The following TMEM40 variants were observed in gnomAD, a reference collection of about 807,000 sequenced individuals.
TMEM40 encodes transmembrane protein 40.
In TMEM40, 34 loss-of-function variants were observed where a neutral mutation model predicts 40.8. The observed-to-expected ratio is 0.83, with a 90% CI of 0.63 to 1.11. TMEM40 has a LOEUF of 1.11. Ranked by LOEUF, TMEM40 falls within the 50% of genes least tolerant of loss-of-function variation. The pLI, the probability that TMEM40 is intolerant of heterozygous loss-of-function variation, is 0.00. For synonymous variants in TMEM40, 106 were observed against 107.0 expected (o/e 0.99, Z 0.06); for missense variants, 296 against 280.2 (o/e 1.06, Z -0.40).
chr3:12,767,427 T>C (rs376980338), intron 1 of TMEM40, among the ~76,000 whole-genome samples: 13 of 152,126 alleles, frequency 8.5e-5, no homozygotes, highest in Admixed American at 2.6e-4. Flanking sequence ...ATAGAAGAGA[T>C]GAGAGGAAGT....
upstream of TMEM40, among the ~76,000 whole-genome samples, chr3:12,760,744 A>ATT (rs568688148): frequency 1.3e-3 from 188 of 144,126 alleles, no homozygotes; most frequent in African/African-American, 1.7e-3. Context: ...GTGCTCACTA[A>ATT]TTTTTTTTTT....
At chr3:12,752,708 G>A (rs1433859929) in intron 1 of TMEM40, among the ~76,000 whole-genome samples, 4 of 151,952 alleles carry the variant, frequency 2.6e-5, no homozygotes, top group Non-Finnish European at 5.9e-5. Context: ...TGAGGCAGGA[G>A]AATCACTTGA....
At chr3:12,754,884 T>C (rs889900362) in intron 1 of TMEM40, among the ~76,000 whole-genome samples, 1 of 152,228 alleles carries the variant, frequency 6.6e-6, no homozygotes, top group Non-Finnish European at 1.5e-5. Context: ...GGTCAGTACC[T>C]TGAGGAAGTC....
chr3:12,742,511 G>C lies in TMEM40; in HGVS notation c.302-4C>G. On this transcript the variant is annotated splice_region_variant and splice_polypyrimidine_tract_variant and intron_variant, in intron 4 of 11. Transcript: ENST00000314124. ...TCAGGCTCCCCATGCCCAGGACCTG[G>C]ATGGAGACAAACCCCTTAGTCAGCA... 1 of 1,613,890 alleles carries C rather than the reference G, an allele frequency of 6.2e-7. No homozygotes were observed. The highest frequency in any genetic ancestry group is 8.5e-7 in the Non-Finnish European group (1 of 1,179,866).
chr3:12,738,888 C>T lies in TMEM40; in HGVS notation c.356-300G>A, dbSNP rs57486689. 633 of 361,566 alleles carry T rather than the reference C, an allele frequency of 1.8e-3. 4 individuals carry two copies. The highest frequency in any genetic ancestry group is 0.011 in the African/African-American group (557 of 48,444). The allele number at this position is 361,566 out of a possible 1,614,324, so 22.4% of individuals were successfully genotyped here. On this transcript the variant is annotated intron_variant, in intron 5 of 11. Transcript: ENST00000314124. ...AAAAAGTTTGGGCCGCACGCGGTGGCTCATGCCTGTAATACCAGCACTTTG... is the reference window on the plus strand; with the variant it reads ...AAAAAGTTTGGGCCGCACGCGGTGGTTCATGCCTGTAATACCAGCACTTTG...
At chr3:12,760,940 C>G (rs1483427343), upstream of TMEM40, among the ~76,000 whole-genome samples, 1 of 152,150 alleles carries the variant, frequency 6.6e-6, no homozygotes, top group Non-Finnish European at 1.5e-5. Context: ...CAAGATCTTG[C>G]TATGTTAGGC....
rs2061459324 is a variant in TMEM40, at chr3:12,749,808, GGGA to G, written c.22_24del (p.Ser8del). ...TGGACTTGACTGTTGTCCTGAGGCT[GGGA>G]GGAGGATGCTGAAGTCTCCATGGCT... On this transcript the variant is annotated inframe_deletion, in exon 2 of 12. Transcript: ENST00000314124. The G allele has an allele frequency of 1.2e-6, 2 of 1,614,040 alleles. No homozygotes were observed. The highest frequency in any genetic ancestry group is 1.7e-6 in the Non-Finnish European group (2 of 1,180,016).
intron 2 of TMEM40, 82 bp from the exon 3 acceptor site, chr3:12,748,874 A>C: frequency 7.6e-7 from 1 of 1,311,872 alleles, no homozygotes; most frequent in Non-Finnish European, 1.1e-6. Context: ...CCAGGGTTCT[A>C]CTTGGATTTG....
At chr3:12,769,230 C>T (rs753582074) in intron 1 of TMEM40, 9 of 407,072 alleles carry the variant, frequency 2.2e-5, no homozygotes, top group Admixed American at 1.8e-4. Context: ...CCGGTTCCCG[C>T]CCGTGCCTTT....
intron 1 of TMEM40, among the ~76,000 whole-genome samples, chr3:12,752,770 T>C (rs912375690): frequency 2.7e-5 from 4 of 150,792 alleles, no homozygotes; most frequent in African/African-American, 9.8e-5. Context: ...GCGACTGCAC[T>C]CCAGCCTGGG....
chr3:12,759,112 A>G (rs2061551208), intron 1 of TMEM40, 79 bp downstream of exon 1: 2 of 152,278 alleles, frequency 1.3e-5, no homozygotes, highest in African/African-American at 2.4e-5. Flanking sequence ...TATCAAGCCT[A>G]TTGAGGACAC....
At chr3:12,763,986 G>T (rs561751498), upstream of TMEM40, among the ~76,000 whole-genome samples, 68 of 152,218 alleles carry the variant, frequency 4.5e-4, no homozygotes, top group African/African-American at 1.6e-3. Flanking sequence ...CGTGATTTCG[G>T]CTCACTGCAG....
At chr3:12,744,852 A>G (rs1377889881) in intron 3 of TMEM40, among the ~76,000 whole-genome samples, 3 of 152,188 alleles carry the variant, frequency 2.0e-5, no homozygotes, top group Admixed American at 6.6e-5. Flanking sequence ...TGCATCTGTG[A>G]TCTCAACTGG....
intron 1 of TMEM40, among the ~76,000 whole-genome samples, chr3:12,754,931 TTTC>T (rs1173614737): frequency 6.6e-6 from 1 of 151,762 alleles, no homozygotes; most frequent in African/African-American, 2.4e-5. Flanking sequence ...ATAAAAGAAT[TTTC>T]TTCTTTTCTT....
intron 1 of TMEM40, among the ~76,000 whole-genome samples, chr3:12,766,031 G>T (rs2061592520): frequency 6.6e-6 from 1 of 151,464 alleles, no homozygotes; most frequent in African/African-American, 2.4e-5. Flanking sequence ...CTAATTTTTT[G>T]GTATTTTTAG....
intron 1 of TMEM40, among the ~76,000 whole-genome samples, chr3:12,767,289 G>A (rs1349356871): frequency 1.3e-5 from 2 of 152,028 alleles, no homozygotes; most frequent in African/African-American, 4.8e-5. Flanking sequence ...TGTATTCAAT[G>A]GGTCAGAGGA....
At chr3:12,740,858 A>C (rs1042383074) in intron 5 of TMEM40, among the ~76,000 whole-genome samples, 4 of 151,248 alleles carry the variant, frequency 2.6e-5, no homozygotes, top group Non-Finnish European at 5.9e-5. Flanking sequence ...ACAGCATCCC[A>C]AAAAAAACAA....
At chr3:12,755,343 A>G (rs2061519581) in intron 1 of TMEM40, among the ~76,000 whole-genome samples, 1 of 150,678 alleles carries the variant, frequency 6.6e-6, no homozygotes, top group South Asian at 2.1e-4. Flanking sequence ...TGGAGCAATC[A>G]TGGCTCACTG....
chr3:12,740,518 G>A (rs2061373808), intron 5 of TMEM40, among the ~76,000 whole-genome samples: 2 of 149,524 alleles, frequency 1.3e-5, no homozygotes, highest in Admixed American at 6.6e-5. Context: ...TGGCTAACAC[G>A]GTGAAACCCC....
Sources: gnomAD v4.1 joint callset for allele counts (sites outside exome capture counted in the v4.1 genomes callset) on GRCh38, gnomAD v4.1.1 for gene constraint, MANE v1.5 for transcripts, NCBI Gene and HGNC (gene_info 2026-07-23, HGNC 2026-07-21) for gene names.